Variants in PTPRD observed in about 807,000 individuals in gnomAD.
PTPRD encodes receptor-type tyrosine-protein phosphatase delta.
A neutral mutation model predicts 214.5 loss-of-function variants in PTPRD; 34 were observed. That is an observed-to-expected ratio of 0.16 (90% CI 0.12 to 0.21). PTPRD has a LOEUF of 0.21. Among genes scored for constraint, PTPRD ranks in the 10% least tolerant of loss-of-function variants. The pLI is 1.00. For synonymous variants in PTPRD, 1,128 were observed against 845.7 expected (o/e 1.33, Z -5.79); for missense variants, 2,545 against 2,398.7 (o/e 1.06, Z -1.27).
intron 3 of PTPRD, among the ~76,000 whole-genome samples, chr9:10,213,893 C>A (rs1363900608): frequency 1.3e-5 from 2 of 151,986 alleles, no homozygotes; most frequent in African/African-American, 4.8e-5. Context: ...AGCTTCAGAA[C>A]CTGTTTTCAT....
intron 35 of PTPRD, among the ~76,000 whole-genome samples, chr9:8,408,285 T>C (rs964211940): frequency 6.6e-6 from 1 of 152,186 alleles, no homozygotes; most frequent in South Asian, 2.1e-4. Context: ...CAAAACAATT[T>C]GAAATAAGCA....
At chr9:9,505,280 A>G (rs2096543765) in intron 8 of PTPRD, among the ~76,000 whole-genome samples, 1 of 151,622 alleles carries the variant, frequency 6.6e-6, no homozygotes, top group African/African-American at 2.4e-5. Flanking sequence ...CAGTAGATCC[A>G]TTTTTTTAAA....
intron 3 of PTPRD, among the ~76,000 whole-genome samples, chr9:10,291,507 A>C (rs1019579412): frequency 6.6e-6 from 1 of 152,098 alleles, no homozygotes; most frequent in South Asian, 2.1e-4. Flanking sequence ...ACAGTGGAGC[A>C]AAGGTAGATT....
chr9:9,961,405 A>G (rs1006759746), intron 4 of PTPRD, among the ~76,000 whole-genome samples: 1 of 152,172 alleles, frequency 6.6e-6, no homozygotes, highest in Non-Finnish European at 1.5e-5. Flanking sequence ...ACAAACAAGA[A>G]GAATGATTTC....
At chr9:10,033,692 G>T (rs2097126208) in intron 4 of PTPRD, 26 bp downstream of exon 4, 1 of 151,976 alleles carries the variant, frequency 6.6e-6, no homozygotes, top group African/African-American at 2.4e-5. Flanking sequence ...GCATTAAAAA[G>T]AAAAATTAGA....
At chr9:10,591,500 G>T (rs868098893) in intron 2 of PTPRD, among the ~76,000 whole-genome samples, 8 of 151,984 alleles carry the variant, frequency 5.3e-5, no homozygotes, top group Non-Finnish European at 1.2e-4. Context: ...GTCATCTAAT[G>T]CTGCAGAATA....
At chr9:10,251,175 G>A (rs2092726087) in intron 3 of PTPRD, among the ~76,000 whole-genome samples, 1 of 152,052 alleles carries the variant, frequency 6.6e-6, no homozygotes, top group Non-Finnish European at 1.5e-5. Context: ...TAAATAACAT[G>A]CTCAAAACAG....
At chr9:8,974,645 C>A (rs1018447572) in intron 11 of PTPRD, among the ~76,000 whole-genome samples, 4 of 152,120 alleles carry the variant, frequency 2.6e-5, no homozygotes, top group African/African-American at 9.6e-5. Context: ...ATACTGCTTA[C>A]GTTTATTAAT....
At position 8,317,315 on chromosome 9, in the gene PTPRD, A is replaced by C. The variant is rs954639526; in HGVS notation, c.*559T>G. 4.3e-6 allele frequency: 1 copy of C among 232,362 alleles called. No individual in the cohort carries two copies. Among genetic ancestry groups the C allele is most frequent in the Non-Finnish European group, 8.5e-6 (1 of 117,268 alleles). 14.4% of individuals were successfully genotyped at this position (232,362 alleles called of 1,614,324 possible). ...TCGAATGATACATTTTGTTAAAAAAAAGTTTACACAGTTAGAAATGAAGCA... is the reference window on the plus strand; with the variant it reads ...TCGAATGATACATTTTGTTAAAAAACAGTTTACACAGTTAGAAATGAAGCA... On this transcript the variant is annotated 3_prime_UTR_variant, in exon 46 of 46. Transcript: ENST00000381196.
intron 12 of PTPRD, among the ~76,000 whole-genome samples, chr9:8,650,710 T>A (rs1475368124): frequency 6.6e-6 from 1 of 152,124 alleles, no homozygotes; most frequent in Non-Finnish European, 1.5e-5. Context: ...CTGACAGAGA[T>A]CATATTCTAA....
chr9:10,310,510 G>T (rs921366696), intron 3 of PTPRD, among the ~76,000 whole-genome samples: 4 of 151,936 alleles, frequency 2.6e-5, no homozygotes, highest in Non-Finnish European at 4.4e-5. Context: ...TAGGAAAGAG[G>T]TTGATGAGGA....
At chr9:9,029,497 T>TA (rs76981496) in intron 10 of PTPRD, among the ~76,000 whole-genome samples, 143,714 of 151,266 alleles carry the variant, frequency 0.95, 68,510 homozygotes, top group Middle Eastern at 1. Flanking sequence ...CTACTTGCAC[T>TA]AAAAAAAATT....
intron 11 of PTPRD, among the ~76,000 whole-genome samples, chr9:8,817,646 TAAAAC>T (rs919134753): frequency 3.3e-5 from 5 of 152,044 alleles, no homozygotes; most frequent in African/African-American, 7.2e-5. Flanking sequence ...TAAAATAAAA[TAAAAC>T]AAAACAAAAC....
At chr9:10,194,193 C>T (rs748613582) in intron 3 of PTPRD, among the ~76,000 whole-genome samples, 2 of 151,900 alleles carry the variant, frequency 1.3e-5, no homozygotes, top group African/African-American at 2.4e-5. Flanking sequence ...CTCACTTTAT[C>T]CTCTTTATTC....
chr9:9,882,066 A>G (rs1358160037), intron 5 of PTPRD, among the ~76,000 whole-genome samples: 1 of 152,140 alleles, frequency 6.6e-6, no homozygotes, highest in Non-Finnish European at 1.5e-5. Context: ...AAGAATGTAG[A>G]CAGACTAATA....
intron 9 of PTPRD, among the ~76,000 whole-genome samples, chr9:9,327,220 A>T (rs1242305712): frequency 6.6e-6 from 1 of 152,174 alleles, no homozygotes; most frequent in Non-Finnish European, 1.5e-5. Flanking sequence ...GAAATCCCAT[A>T]TGTAAACAAC....
At chr9:8,649,173 A>G (rs1009424855) in intron 12 of PTPRD, among the ~76,000 whole-genome samples, 1 of 152,242 alleles carries the variant, frequency 6.6e-6, no homozygotes. Context: ...TGTATCAACT[A>G]CATGAATTTT....
In PTPRD at chr9:9,060,058, G is replaced by C. The variant is rs2099704256; in HGVS notation, c.-142-41323C>G. On this transcript the variant is annotated intron_variant, in intron 10 of 45. Coordinates refer to ENST00000381196, the MANE Select transcript of PTPRD (RefSeq NM_002839.4). ...ATGTATTGTTGGCACTTGATAAGTT[G>C]ACTTTAAAATTTATTTGCAAATGCT... Among the ~76,000 whole-genome samples, 3 of 152,106 alleles carry C rather than the reference G, an allele frequency of 2.0e-5. No individual in the cohort carries two copies. The East Asian group carries it at 5.8e-4, about 29-fold the overall frequency.
intron 5 of PTPRD, among the ~76,000 whole-genome samples, chr9:9,917,849 A>G (rs991126473): frequency 6.6e-6 from 1 of 152,046 alleles, no homozygotes; most frequent in African/African-American, 2.4e-5. Context: ...CCATTTATCA[A>G]TACATACATT....
Sources: allele counts gnomAD v4.1 joint callset (sites outside exome capture counted in the v4.1 genomes callset), GRCh38; gene constraint gnomAD v4.1.1; transcripts MANE v1.5; gene names NCBI Gene and HGNC (gene_info 2026-07-23, HGNC 2026-07-21).